Variants in CNTN5 observed in about 807,000 individuals in gnomAD.
CNTN5 encodes the protein contactin 5, also known as contactin-5.
Under a neutral mutation model 129.1 loss-of-function variants are expected in CNTN5, and 77 were observed. The observed-to-expected ratio is 0.60, with a 90% confidence interval of 0.50 to 0.72. The LOEUF (loss-of-function observed/expected upper bound fraction) is 0.72. CNTN5 is among the 30% of genes least tolerant of loss of function. The pLI, the probability that CNTN5 is intolerant of heterozygous loss-of-function variation, is 0.00. For synonymous variants in CNTN5, 509 were observed against 465.6 expected (o/e 1.09, Z -1.20); for missense variants, 1,478 against 1,328.8 (o/e 1.11, Z -1.75).
At chr11:99,543,444 C>T (rs187441986) in intron 2 of CNTN5, among the ~76,000 whole-genome samples, 2 of 152,246 alleles carry the variant, frequency 1.3e-5, no homozygotes, top group African/African-American at 2.4e-5. Context: ...ATCACATTTA[C>T]TTGCACTTCT....
intron 3 of CNTN5, among the ~76,000 whole-genome samples, chr11:99,758,517 A>C (rs56414513): frequency 0.036 from 5,415 of 152,122 alleles, 139 homozygotes; most frequent in South Asian, 0.099. Flanking sequence ...AAGATGATTG[A>C]AATGATTTGT....
Position 100,224,747 on chromosome 11 carries a change from G to A in CNTN5, c.1940G>A (p.Arg647Lys). 6.2e-7 allele frequency: 1 copy of A among 1,613,006 alleles called. No individual in the cohort carries two copies. The highest frequency in any genetic ancestry group is 8.5e-7 in the Non-Finnish European group (1 of 1,179,108). ...AACATCCTTCTGATGCATGCTGGGAGATATGGCTGCAGGGTACAGACCACA... is the reference window on the plus strand; with the variant it reads ...AACATCCTTCTGATGCATGCTGGGAAATATGGCTGCAGGGTACAGACCACA... Reference protein sequence around the residue: ...IRNILLMHAGRYGCRVQTTAD... With the variant: ...IRNILLMHAGKYGCRVQTTAD... Residue 647 changes from arginine (R) to lysine (K), a missense_variant, in exon 16 of 25, where the codon AGA (arginine) becomes AAA (lysine). Transcript: ENST00000524871.
chr11:99,143,233 A>G lies in CNTN5; in HGVS notation c.-210+121963A>G, dbSNP rs1019282425. ...CTGTAAAACACTCTACATAGAAAAC[A>G]ATTTAATTCACTTATGTATCTTAGA... On this transcript the variant is annotated intron_variant, in intron 1 of 24. Coordinates refer to ENST00000524871, the MANE Select transcript of CNTN5 (RefSeq NM_014361.4). Among the ~76,000 whole-genome samples the G allele has an allele frequency of 7.3e-5, 11 of 151,356 alleles. No individual in the cohort carries two copies. In the East Asian group the frequency reaches 2.1e-3, roughly 29 times the overall value.
At chr11:99,146,593 C>T (rs1292055633) in intron 1 of CNTN5, among the ~76,000 whole-genome samples, 2 of 152,082 alleles carry the variant, frequency 1.3e-5, no homozygotes, top group Non-Finnish European at 2.9e-5. Context: ...TAAATCAACA[C>T]CCAATCCTTG....
intron 2 of CNTN5, among the ~76,000 whole-genome samples, chr11:99,392,647 G>C (rs1025802028): frequency 2.6e-5 from 4 of 151,804 alleles, no homozygotes; most frequent in African/African-American, 9.7e-5. Flanking sequence ...ATGACAGTGT[G>C]TTTTCTCATA....
At chr11:99,658,907 A>C (rs1952491182) in intron 3 of CNTN5, among the ~76,000 whole-genome samples, 1 of 141,634 alleles carries the variant, frequency 7.1e-6, no homozygotes, top group African/African-American at 2.6e-5. Flanking sequence ...AAAAAAAAAG[A>C]AAAAGAAAAA....
chr11:99,240,908 T>C (rs1385811852), intron 1 of CNTN5, among the ~76,000 whole-genome samples: 1 of 152,170 alleles, frequency 6.6e-6, no homozygotes, highest in Non-Finnish European at 1.5e-5. Flanking sequence ...TTAACATGCG[T>C]CACTACTGAA....
At chr11:99,237,361 C>T (rs1461998983) in intron 1 of CNTN5, among the ~76,000 whole-genome samples, 1 of 152,190 alleles carries the variant, frequency 6.6e-6, no homozygotes, top group African/African-American at 2.4e-5. Context: ...GTTTTATTAT[C>T]CATTCACCTA....
At chr11:100,065,105 A>C (rs973171301) in intron 10 of CNTN5, among the ~76,000 whole-genome samples, 1 of 152,130 alleles carries the variant, frequency 6.6e-6, no homozygotes, top group Non-Finnish European at 1.5e-5. Context: ...TCCTTTATCC[A>C]GAACGCTTAA....
intron 6 of CNTN5, among the ~76,000 whole-genome samples, chr11:99,870,836 T>G (rs1948486694): frequency 6.6e-6 from 1 of 152,068 alleles, no homozygotes; most frequent in African/African-American, 2.4e-5. Flanking sequence ...TCAATGATTT[T>G]GTTACATTTG....
chr11:99,580,451 A>G (rs1335078458), intron 3 of CNTN5, among the ~76,000 whole-genome samples: 3 of 152,136 alleles, frequency 2.0e-5, no homozygotes, highest in South Asian at 2.1e-4. Flanking sequence ...CTGTGAATCC[A>G]TCTGGTCCTG....
intron 21 of CNTN5, among the ~76,000 whole-genome samples, chr11:100,334,920 C>A (rs1270790003): frequency 2.0e-5 from 3 of 149,544 alleles, no homozygotes; most frequent in Non-Finnish European, 4.4e-5. Flanking sequence ...CCCCAAAAAC[C>A]TGTTGAAATA....
intron 1 of CNTN5, among the ~76,000 whole-genome samples, chr11:99,255,283 GC>G (rs1862318435): frequency 6.6e-6 from 1 of 151,620 alleles, no homozygotes; most frequent in South Asian, 2.1e-4. Flanking sequence ...TAGTAATTAA[GC>G]ATATAGTTAT....
intron 3 of CNTN5, among the ~76,000 whole-genome samples, chr11:99,704,077 G>A (rs1047983819): frequency 6.7e-6 from 1 of 150,338 alleles, no homozygotes; most frequent in Non-Finnish European, 1.5e-5. Flanking sequence ...GTGTATGTGT[G>A]TGTGTGTATA....
chr11:99,773,680 T>A (rs1945021223), intron 3 of CNTN5, among the ~76,000 whole-genome samples: 1 of 152,052 alleles, frequency 6.6e-6, no homozygotes, highest in Non-Finnish European at 1.5e-5. Context: ...AATAGTAATA[T>A]TATATTTCTC....
chr11:100,023,410 A>G (rs181503154), intron 9 of CNTN5, among the ~76,000 whole-genome samples: 203 of 152,200 alleles, frequency 1.3e-3, no homozygotes, highest in African/African-American at 4.7e-3. Context: ...GACATTTCCT[A>G]TATCCTGTCT....
intron 9 of CNTN5, among the ~76,000 whole-genome samples, chr11:100,044,253 A>C (rs1344538410): frequency 1.3e-5 from 2 of 152,010 alleles, no homozygotes; most frequent in Non-Finnish European, 2.9e-5. Context: ...GGTTGATTCC[A>C]TATCTTTGTT....
intron 2 of CNTN5, among the ~76,000 whole-genome samples, chr11:99,371,226 C>A (rs1237904004): frequency 6.6e-6 from 1 of 152,006 alleles, no homozygotes; most frequent in East Asian, 1.9e-4. Flanking sequence ...AAGTAGGTAT[C>A]ATTCTATATT....
intron 1 of CNTN5, among the ~76,000 whole-genome samples, chr11:99,245,029 C>T (rs1489468406): frequency 6.6e-6 from 1 of 152,160 alleles, no homozygotes; most frequent in African/African-American, 2.4e-5. Context: ...AATATACTTG[C>T]AAGATTAGTT....
Sources: allele counts gnomAD v4.1 joint callset (sites outside exome capture counted in the v4.1 genomes callset), GRCh38; gene constraint gnomAD v4.1.1; transcripts MANE v1.5; gene names NCBI Gene and HGNC (gene_info 2026-07-23, HGNC 2026-07-21).